GRID2: variants seen among roughly 807,000 people sequenced by gnomAD.
GRID2 encodes the protein glutamate ionotropic receptor delta type subunit 2, also known as glutamate receptor ionotropic, delta-2.
A neutral mutation model predicts 114.8 loss-of-function variants in GRID2; 33 were observed. The ratio of observed to expected loss-of-function variants is 0.29; its 90% confidence interval spans 0.22 to 0.38. GRID2 has a LOEUF of 0.38. Ranked by LOEUF, GRID2 falls within the 10% of genes least tolerant of loss-of-function variation. GRID2 has a pLI of 1.00. For synonymous variants in GRID2, 505 were observed against 449.9 expected, an observed-to-expected ratio of 1.12 and a Z score of -1.55; for missense variants, 1,184 against 1,257.7, an observed-to-expected ratio of 0.94 and a Z score of 0.89.
At chr4:93,237,744 T>G (rs535503341) in intron 7 of GRID2, among the ~76,000 whole-genome samples, 1 of 151,936 alleles carries the variant, frequency 6.6e-6, no homozygotes, top group South Asian at 2.1e-4. Context: ...TCATATTGAA[T>G]GAAAGATGAA....
Position 92,680,713 on chromosome 4 carries a change from C to A in GRID2, c.244+90427C>A, listed in dbSNP as rs937347889. On this transcript the variant is annotated intron_variant, in intron 2 of 15. Coordinates refer to ENST00000282020, the MANE Select transcript of GRID2 (RefSeq NM_001510.4). ...TGGAAGAATACATGACAAGGGAGAA[C>A]CCTTAGGTAAAGTCACTAATGAAAA... 3.3e-5 allele frequency among the ~76,000 whole-genome samples: 5 copies of A among 152,132 alleles called. No individual in the cohort carries two copies. In the South Asian group the frequency reaches 8.3e-4, roughly 25 times the overall value.
intron 2 of GRID2, among the ~76,000 whole-genome samples, chr4:92,688,404 T>C (rs916693858): frequency 3.3e-5 from 5 of 152,132 alleles, no homozygotes; most frequent in Non-Finnish European, 7.4e-5. Context: ...CTGATGGAAC[T>C]TTACCCACAG....
intron 1 of GRID2, among the ~76,000 whole-genome samples, chr4:92,388,704 G>A (rs560449635): frequency 6.6e-6 from 1 of 151,922 alleles, no homozygotes; most frequent in African/African-American, 2.4e-5. Flanking sequence ...TTCTCACACC[G>A]CCAGTTAATC....
intron 1 of GRID2, among the ~76,000 whole-genome samples, chr4:92,379,283 T>G (rs758970743): frequency 1.3e-5 from 2 of 151,962 alleles, no homozygotes; most frequent in South Asian, 4.1e-4. Context: ...ATGAAGGGTA[T>G]GGGGGATCCA....
At chr4:92,899,860 T>C (rs1038951154) in intron 2 of GRID2, among the ~76,000 whole-genome samples, 3 of 152,128 alleles carry the variant, frequency 2.0e-5, no homozygotes, top group African/African-American at 7.2e-5. Context: ...AAGATGGTAA[T>C]TCCTATAGAT....
At chr4:93,347,477 T>C (rs10030884) in intron 8 of GRID2, among the ~76,000 whole-genome samples, 34,818 of 151,966 alleles carry the variant, frequency 0.23, 5,079 homozygotes, top group Non-Finnish European at 0.33. Flanking sequence ...GTCATACTTT[T>C]ATTTTAGACT....
In GRID2 at chr4:93,708,723, T is replaced by C. The variant is rs547701478; in HGVS notation, c.2361-60487T>C. ...TGCCAATTTATTATCTGTTTTCAGA[T>C]TGTTTTGTGGTCTTCCCTTCTTTCC... On this transcript the variant is annotated intron_variant, in intron 14 of 15. Transcript: ENST00000282020. 9.2e-5 allele frequency among the ~76,000 whole-genome samples: 14 copies of C among 152,116 alleles called. No homozygotes were observed. The East Asian group carries it at 2.7e-3, about 29-fold the overall frequency.
intron 2 of GRID2, among the ~76,000 whole-genome samples, chr4:92,823,316 A>G (rs1741425971): frequency 6.6e-6 from 1 of 152,162 alleles, no homozygotes; most frequent in Non-Finnish European, 1.5e-5. Flanking sequence ...AGCCTTTTAT[A>G]TTTAAAATAT....
intron 1 of GRID2, among the ~76,000 whole-genome samples, chr4:92,393,684 A>T (rs1303180988): frequency 2.6e-5 from 4 of 152,134 alleles, no homozygotes; most frequent in Non-Finnish European, 4.4e-5. Flanking sequence ...AACATGATCA[A>T]GTTGCTCTTT....
intron 2 of GRID2, among the ~76,000 whole-genome samples, chr4:92,675,348 A>G (rs1394841710): frequency 6.6e-6 from 1 of 152,118 alleles, no homozygotes; most frequent in Non-Finnish European, 1.5e-5. Context: ...GAAATTGGCC[A>G]ACAATTCAAA....
At chr4:92,984,561 A>G (rs1754393406) in intron 2 of GRID2, among the ~76,000 whole-genome samples, 1 of 152,112 alleles carries the variant, frequency 6.6e-6, no homozygotes, top group Non-Finnish European at 1.5e-5. Flanking sequence ...CTATTATCTC[A>G]CTTTGTTTTC....
chr4:92,342,756 G>C (rs1341141908), intron 1 of GRID2, among the ~76,000 whole-genome samples: 1 of 152,130 alleles, frequency 6.6e-6, no homozygotes, highest in Non-Finnish European at 1.5e-5. Flanking sequence ...AGATTTTCAG[G>C]CAATCTGTTC....
At chr4:93,225,520 G>A (rs1026688482) in intron 7 of GRID2, among the ~76,000 whole-genome samples, 2 of 152,052 alleles carry the variant, frequency 1.3e-5, no homozygotes, top group African/African-American at 4.8e-5. Flanking sequence ...TTTACACAAA[G>A]GAGACAGACA....
rs114619555 is a variant in GRID2, at chr4:93,511,305, C to G, written c.1998-3911C>G. ...GAAAGAATTTTACAGAAACCTAAAG[C>G]CACTCAAATTTTAAAAATTTATTTT... On this transcript the variant is annotated intron_variant, in intron 12 of 15. Transcript: ENST00000282020. Among the ~76,000 whole-genome samples, 851 of 152,166 alleles carry G rather than the reference C, an allele frequency of 5.6e-3. 6 individuals carry two copies. The highest frequency in any genetic ancestry group is 0.02 in the African/African-American group (818 of 41,504).
intron 2 of GRID2, among the ~76,000 whole-genome samples, chr4:92,621,122 A>G (rs1730254336): frequency 6.6e-6 from 1 of 151,692 alleles, no homozygotes; most frequent in Non-Finnish European, 1.5e-5. Context: ...AACATGTGTC[A>G]TGGTGAATTG....
At chr4:93,002,065 GTT>G (rs1721045570) in intron 2 of GRID2, among the ~76,000 whole-genome samples, 1 of 151,096 alleles carries the variant, frequency 6.6e-6, no homozygotes, top group Non-Finnish European at 1.5e-5. Flanking sequence ...CAAGGTGAAT[GTT>G]TTAACTTTTC....
chr4:93,110,764 G>A lies in GRID2; in HGVS notation c.546G>A (p.Gln182=). The A allele has an allele frequency of 6.2e-7, 1 of 1,609,782 alleles. No individual in the cohort carries two copies. Among genetic ancestry groups the A allele is most frequent in the Non-Finnish European group, 8.5e-7 (1 of 1,176,052 alleles). Residue 182 remains glutamine (Q), a synonymous_variant, in exon 4 of 16, where the codon CAG becomes CAA. Coordinates refer to ENST00000282020, the MANE Select transcript of GRID2 (RefSeq NM_001510.4). The part of the protein sequence containing the change: ...YDSEYDIRGI[Q]EFLDKVSQQG... ...TGTTTCCAGATATCCGTGGAATACAGGAGTTCTTGGACAAAGTCTCTCAGC... is the reference window on the plus strand; with the variant it reads ...TGTTTCCAGATATCCGTGGAATACAAGAGTTCTTGGACAAAGTCTCTCAGC...
At chr4:92,570,090 C>T (rs1309610221) in intron 1 of GRID2, among the ~76,000 whole-genome samples, 2 of 151,716 alleles carry the variant, frequency 1.3e-5, no homozygotes, top group Admixed American at 6.6e-5. Context: ...TTTAGTTTAC[C>T]ACTTTACATT....
chr4:93,406,751 C>T (rs1372299823), intron 9 of GRID2, among the ~76,000 whole-genome samples: 1 of 152,124 alleles, frequency 6.6e-6, no homozygotes, highest in South Asian at 2.1e-4. Flanking sequence ...TACTCCCACA[C>T]ACCTTGCTAT....
Sources: allele counts gnomAD v4.1 joint callset (sites outside exome capture counted in the v4.1 genomes callset), GRCh38; gene constraint gnomAD v4.1.1; transcripts MANE v1.5; gene names NCBI Gene and HGNC (gene_info 2026-07-23, HGNC 2026-07-21).